STARD13: variants seen among roughly 807,000 people sequenced by gnomAD.
STARD13 encodes the protein StAR related lipid transfer domain containing 13, also known as stAR-related lipid transfer protein 13.
Under a neutral mutation model 106.4 loss-of-function variants are expected in STARD13, and 62 were observed. That is an observed-to-expected ratio of 0.58 (90% CI 0.48 to 0.72). STARD13 has a LOEUF of 0.72. Among genes scored for constraint, STARD13 ranks in the 30% least tolerant of loss-of-function variants. STARD13 has a pLI of 0.00. For missense variants in STARD13, 1,387 were observed against 1,424.0 expected (o/e 0.97, Z 0.42); for synonymous variants, 565 against 553.0 (o/e 1.02, Z -0.31).
intron 1 of STARD13, among the ~76,000 whole-genome samples, chr13:33,308,468 T>C (rs976420330): frequency 6.6e-6 from 1 of 151,760 alleles, no homozygotes; most frequent in Non-Finnish European, 1.5e-5. Flanking sequence ...TTGTTTATTT[T>C]ATTTTTCTAA....
chr13:33,543,571 T>C, the STARD13 span, among the ~76,000 whole-genome samples: 1 of 152,238 alleles, frequency 6.6e-6, no homozygotes, highest in Non-Finnish European at 1.5e-5. Context: ...AAATATATAA[T>C]GAAACAAATT....
At chr13:33,377,847 T>G in the STARD13 span, among the ~76,000 whole-genome samples, 5 of 152,160 alleles carry the variant, frequency 3.3e-5, no homozygotes, top group African/African-American at 1.2e-4. Flanking sequence ...GAGCAGTTTT[T>G]ACACCCAGCA....
chr13:33,147,379 A>T (rs1301375251), intron 3 of STARD13, among the ~76,000 whole-genome samples: 14 of 152,222 alleles, frequency 9.2e-5, no homozygotes, highest in Admixed American at 9.2e-4. Flanking sequence ...ATCAAGGCTA[A>T]GGCAGAGTTA....
chr13:33,128,809 A>G (rs971146158), intron 5 of STARD13, 120 bp downstream of exon 5: 1 of 984,884 alleles, frequency 1.0e-6, no homozygotes, highest in African/African-American at 1.6e-5. Context: ...AATCACATAC[A>G]TCACTTAGAA....
chr13:33,516,295 G>C, the STARD13 span, among the ~76,000 whole-genome samples: 6 of 148,832 alleles, frequency 4.0e-5, no homozygotes, highest in Non-Finnish European at 5.9e-5. Flanking sequence ...TTCATATATA[G>C]TTGGAGTATT....
intron 1 of STARD13, among the ~76,000 whole-genome samples, chr13:33,183,169 G>T (rs1238950884): frequency 1.3e-5 from 2 of 152,188 alleles, no homozygotes; most frequent in African/African-American, 2.4e-5. Context: ...ATACTGAAAT[G>T]TTCTTGTTAC....
the STARD13 span, among the ~76,000 whole-genome samples, chr13:33,544,209 G>C: frequency 1.3e-5 from 2 of 152,044 alleles, no homozygotes; most frequent in African/African-American, 4.8e-5. Context: ...TCAGTCTTTT[G>C]CATTTCCTCA....
the STARD13 span, among the ~76,000 whole-genome samples, chr13:33,467,184 C>A: frequency 1.3e-5 from 2 of 151,786 alleles, no homozygotes; most frequent in East Asian, 3.9e-4. Context: ...TACAGCTCAC[C>A]ATAATGTAGA....
At chr13:33,123,775 G>A (rs1876723644) in intron 7 of STARD13, among the ~76,000 whole-genome samples, 1 of 152,222 alleles carries the variant, frequency 6.6e-6, no homozygotes, top group South Asian at 2.1e-4. Context: ...TGTGGGGCAG[G>A]GTCAACTGCA....
chr13:33,563,043 G>T, the STARD13 span, among the ~76,000 whole-genome samples: 1 of 146,698 alleles, frequency 6.8e-6, no homozygotes, highest in Admixed American at 7.0e-5. Flanking sequence ...TCAAAGATGT[G>T]AAAGATCTCT....
the STARD13 span, among the ~76,000 whole-genome samples, chr13:33,545,868 T>G: frequency 1.3e-5 from 2 of 152,228 alleles, no homozygotes; most frequent in African/African-American, 4.8e-5. Flanking sequence ...GTACCATGCT[T>G]CTTGTACAGC....
At chr13:33,557,615 G>A in the STARD13 span, among the ~76,000 whole-genome samples, 1 of 152,146 alleles carries the variant, frequency 6.6e-6, no homozygotes, top group Non-Finnish European at 1.5e-5. Flanking sequence ...ATCACTGTAT[G>A]TGTTACCTAG....
At chr13:33,476,187 T>C in the STARD13 span, among the ~76,000 whole-genome samples, 1 of 152,182 alleles carries the variant, frequency 6.6e-6, no homozygotes, top group Non-Finnish European at 1.5e-5. Context: ...ATTACTTTAA[T>C]TGTGTTTACC....
the STARD13 span, among the ~76,000 whole-genome samples, chr13:33,543,443 T>C: frequency 2.0e-5 from 3 of 152,354 alleles, no homozygotes; most frequent in East Asian, 5.8e-4. Flanking sequence ...AAAAGTAATT[T>C]CCCCAAAGTT....
At chr13:33,213,367 G>A (rs1340651491) in intron 1 of STARD13, among the ~76,000 whole-genome samples, 1 of 152,194 alleles carries the variant, frequency 6.6e-6, no homozygotes, top group Non-Finnish European at 1.5e-5. Flanking sequence ...GCACTGGGGA[G>A]TCGTATTGAA....
At chr13:33,541,088 A>C in the STARD13 span, among the ~76,000 whole-genome samples, 1 of 152,336 alleles carries the variant, frequency 6.6e-6, no homozygotes, top group Non-Finnish European at 1.5e-5. Flanking sequence ...TGTTACTGTA[A>C]CTTTATAGTA....
chr13:33,271,782 G>C (rs1381415978), intron 1 of STARD13, among the ~76,000 whole-genome samples: 1 of 151,748 alleles, frequency 6.6e-6, no homozygotes, highest in Admixed American at 6.6e-5. Context: ...GTGAGGAAGG[G>C]AGAACCAACC....
In STARD13 at chr13:33,103,874, C is replaced by A. The variant is rs753343199; in HGVS notation, c.*1719G>T. On this transcript the variant is annotated 3_prime_UTR_variant, in exon 14 of 14. Transcript: ENST00000336934. Reference sequence around the variant, plus strand: ...GGCAGAAGTGACTTTGTTTTGCTCACAAAGCATTGCCCAAAAGGTAAATTA... The same window carrying A: ...GGCAGAAGTGACTTTGTTTTGCTCAAAAAGCATTGCCCAAAAGGTAAATTA... 2.6e-5 allele frequency: 4 copies of A among 152,208 alleles called. No homozygotes were observed. The highest frequency in any genetic ancestry group is 4.4e-5 in the Non-Finnish European group (3 of 68,032). The allele number at this position is 152,208 out of a possible 1,614,324, so 9.4% of individuals were successfully genotyped here. A position where few individuals can be genotyped will look rare whatever the true frequency, so the allele number is the denominator to read the frequency against.
the STARD13 span, among the ~76,000 whole-genome samples, chr13:33,471,909 A>T: frequency 2.0e-5 from 3 of 152,132 alleles, no homozygotes; most frequent in African/African-American, 7.2e-5. Context: ...TTCTTTCTTT[A>T]TAAGTACTTT....
Sources: allele counts gnomAD v4.1 joint callset (sites outside exome capture counted in the v4.1 genomes callset), GRCh38; gene constraint gnomAD v4.1.1; transcripts MANE v1.5; gene names NCBI Gene and HGNC (gene_info 2026-07-23, HGNC 2026-07-21).